VAMP7: variants seen among roughly 807,000 people sequenced by gnomAD.
VAMP7 encodes vesicle associated membrane protein 7.
A neutral mutation model predicts 29.6 loss-of-function variants in VAMP7; 14 were observed. The observed-to-expected ratio is 0.47, with a 90% CI of 0.31 to 0.74. The LOEUF (loss-of-function observed/expected upper bound fraction) is 0.74. Among genes scored for constraint, VAMP7 ranks in the 30% least tolerant of loss-of-function variants. The pLI, the probability that VAMP7 is intolerant of heterozygous loss-of-function variation, is 0.05. For synonymous variants in VAMP7, 95 were observed against 88.1 expected (o/e 1.08, Z -0.44); for missense variants, 223 against 262.4 (o/e 0.85, Z 1.04).
At chrX:155,906,061 C>G (rs1177237203) in intron 5 of VAMP7, among the ~76,000 whole-genome samples, 4 of 152,072 alleles carry the variant, frequency 2.6e-5, no homozygotes, top group Admixed American at 2.6e-4. Context: ...TAATTTTTTC[C>G]AACAATGTTT....
At chrX:155,890,072 G>C (rs1456707923) in intron 2 of VAMP7, among the ~76,000 whole-genome samples, 6 of 151,922 alleles carry the variant, frequency 3.9e-5, no homozygotes, top group Admixed American at 3.9e-4. Context: ...TCAAGGGTTG[G>C]GGGGATGGGA....
chrX:155,918,400 G>A (rs757981509), intron 5 of VAMP7, among the ~76,000 whole-genome samples: 11 of 152,152 alleles, frequency 7.2e-5, no homozygotes, highest in Admixed American at 3.3e-4. Context: ...CCAAATGGCC[G>A]CCCAGTTTTG....
chrX:155,908,288 A>G (rs903093658), intron 5 of VAMP7, among the ~76,000 whole-genome samples: 3 of 152,304 alleles, frequency 2.0e-5, no homozygotes, highest in South Asian at 2.1e-4. Context: ...TGAGTGAACG[A>G]GACTCCGTCT....
chrX:155,941,160 T>C (rs1240951877), intron 7 of VAMP7, among the ~76,000 whole-genome samples: 2 of 151,978 alleles, frequency 1.3e-5, no homozygotes, highest in Non-Finnish European at 2.9e-5. Flanking sequence ...AAATAAAAAA[T>C]AAAAAATAAA....
intron 5 of VAMP7, among the ~76,000 whole-genome samples, chrX:155,904,018 T>C (rs1170179192): frequency 6.6e-5 from 10 of 151,912 alleles, no homozygotes; most frequent in Non-Finnish European, 7.4e-5. Context: ...TGGAATACTA[T>C]GCAGCCATAA....
chrX:155,902,428 G>T (rs1309557634), intron 5 of VAMP7, among the ~76,000 whole-genome samples: 1 of 149,084 alleles, frequency 6.7e-6, no homozygotes, highest in Non-Finnish European at 1.5e-5. Flanking sequence ...GGTGAGAGAG[G>T]GCATCCCTGT....
chrX:155,937,044 C>T (rs985052782), intron 6 of VAMP7, among the ~76,000 whole-genome samples: 1 of 151,928 alleles, frequency 6.6e-6, no homozygotes, highest in Non-Finnish European at 1.5e-5. Context: ...CTGCCTGAAG[C>T]AATACACAGA....
chrX:155,928,666 A>G (rs753262276), intron 6 of VAMP7, among the ~76,000 whole-genome samples: 1 of 152,312 alleles, frequency 6.6e-6, no homozygotes, highest in South Asian at 2.1e-4. Context: ...TTCTTGACAT[A>G]ATCACATCTG....
intron 6 of VAMP7, among the ~76,000 whole-genome samples, chrX:155,931,825 G>GT (rs1176466825): frequency 1.3e-5 from 2 of 152,114 alleles, no homozygotes; most frequent in East Asian, 1.9e-4. Flanking sequence ...TTCTTCTAGG[G>GT]TTTTTATGGT....
At chrX:155,936,921 T>C (rs1422951761) in intron 6 of VAMP7, among the ~76,000 whole-genome samples, 14 of 152,146 alleles carry the variant, frequency 9.2e-5, no homozygotes, top group Admixed American at 9.2e-4. Flanking sequence ...TGTAATAATG[T>C]GCACACTGAA....
intron 5 of VAMP7, among the ~76,000 whole-genome samples, chrX:155,919,380 A>G (rs1182329220): frequency 6.6e-6 from 1 of 152,108 alleles, no homozygotes; most frequent in Non-Finnish European, 1.5e-5. Context: ...CAAGTTTATT[A>G]GCATATAGTT....
chrX:155,903,154 C>T (rs944220102), intron 5 of VAMP7, among the ~76,000 whole-genome samples: 9 of 152,064 alleles, frequency 5.9e-5, no homozygotes, highest in African/African-American at 1.4e-4. Context: ...AGTTTATTTG[C>T]GTAGAGGTGT....
chrX:155,896,382 A>C (rs2065987687), intron 3 of VAMP7, among the ~76,000 whole-genome samples: 1 of 152,206 alleles, frequency 6.6e-6, no homozygotes, highest in Admixed American at 6.5e-5. Flanking sequence ...GTAGTTAATG[A>C]ATCCTTTAAT....
chrX:155,899,655 G>A (rs1235511163), intron 4 of VAMP7, among the ~76,000 whole-genome samples: 5 of 151,836 alleles, frequency 3.3e-5, no homozygotes, highest in Middle Eastern at 3.2e-3. Context: ...TCCCCACTAG[G>A]AAATGTTCAT....
intron 5 of VAMP7, among the ~76,000 whole-genome samples, chrX:155,901,123 T>G (rs2066055570): frequency 6.6e-6 from 1 of 152,068 alleles, no homozygotes; most frequent in African/African-American, 2.4e-5. Context: ...ATTTAGAAGT[T>G]TATCCTACAG....
chrX:155,927,306 C>T (rs1272091781), intron 6 of VAMP7, among the ~76,000 whole-genome samples: 1 of 151,100 alleles, frequency 6.6e-6, no homozygotes, highest in African/African-American at 2.4e-5. Context: ...CACCATGTCA[C>T]GTGTATACCT....
intron 6 of VAMP7, among the ~76,000 whole-genome samples, chrX:155,925,914 C>T (rs1356402105): frequency 6.6e-6 from 1 of 152,140 alleles, no homozygotes; most frequent in Non-Finnish European, 1.5e-5. Context: ...TTTATCTCCT[C>T]GTAAGTCTCC....
chrX:155,897,133 G>T (rs1317904620), intron 3 of VAMP7, among the ~76,000 whole-genome samples: 7 of 152,064 alleles, frequency 4.6e-5, no homozygotes, highest in African/African-American at 1.7e-4. Context: ...AAAGATTTCT[G>T]TTGGTGACAG....
chrX:155,909,306 G>T (rs1400956048), intron 5 of VAMP7, among the ~76,000 whole-genome samples: 2 of 152,020 alleles, frequency 1.3e-5, no homozygotes, highest in Non-Finnish European at 1.5e-5. Context: ...TCTTCATTTT[G>T]TAAGTTTGGT....
Sources: gnomAD v4.1 joint callset for allele counts (sites outside exome capture counted in the v4.1 genomes callset) on GRCh38, gnomAD v4.1.1 for gene constraint, MANE v1.5 for transcripts, NCBI Gene and HGNC (gene_info 2026-07-23, HGNC 2026-07-21) for gene names.